Variants in SLC9B1 observed in about 807,000 individuals in gnomAD.
SLC9B1 encodes solute carrier family 9 member B1.
In SLC9B1, 32 loss-of-function variants were observed where a neutral mutation model predicts 51.7. That is an observed-to-expected ratio of 0.62 (90% CI 0.47 to 0.83). The LOEUF (loss-of-function observed/expected upper bound fraction) is 0.83. Ranked by LOEUF, SLC9B1 falls within the 40% of genes least tolerant of loss-of-function variation. The pLI, the probability that SLC9B1 is intolerant of heterozygous loss-of-function variation, is 0.00. For synonymous variants in SLC9B1, 145 were observed against 212.7 expected, an observed-to-expected ratio of 0.68 and a Z score of 2.77; for missense variants, 406 against 613.2, an observed-to-expected ratio of 0.66 and a Z score of 3.57.
intron 7 of SLC9B1, among the ~76,000 whole-genome samples, chr4:102,931,893 C>G (rs1328384883): frequency 6.6e-6 from 1 of 152,150 alleles, no homozygotes; most frequent in African/African-American, 2.4e-5. Flanking sequence ...TATGGTTTAT[C>G]AAATTAATTG....
chr4:102,961,043 T>G (rs1237586135), intron 3 of SLC9B1, among the ~76,000 whole-genome samples: 1 of 152,216 alleles, frequency 6.6e-6, no homozygotes, highest in African/African-American at 2.4e-5. Context: ...AAGCTTTACT[T>G]TCTAAAAATT....
At chr4:102,911,568 C>G in intron 7 of SLC9B1, 31 bp from the exon 8 acceptor site, 2 of 1,409,622 alleles carry the variant, frequency 1.4e-6, no homozygotes, top group Non-Finnish European at 2.0e-6. Context: ...AAAAAATTCA[C>G]AAAGAAGTAT....
chr4:102,977,773 T>C (rs1414084209), intron 3 of SLC9B1, among the ~76,000 whole-genome samples: 1 of 152,188 alleles, frequency 6.6e-6, no homozygotes, highest in Non-Finnish European at 1.5e-5. Context: ...TAAAAATATA[T>C]AGTCTATGAG....
intron 3 of SLC9B1, among the ~76,000 whole-genome samples, chr4:102,968,583 C>T (rs183136382): frequency 6.6e-6 from 1 of 152,280 alleles, no homozygotes; most frequent in East Asian, 1.9e-4. Flanking sequence ...CGAATAGGAA[C>T]AGCTCCTGTC....
At chr4:102,892,225 ATTT>A (rs1400645465) in intron 11 of SLC9B1, 3 of 152,060 alleles carry the variant, frequency 2.0e-5, no homozygotes, top group Admixed American at 2.0e-4. Flanking sequence ...TGCCCGGCTA[ATTT>A]TTTATTTTTC....
chr4:102,962,518 G>GGTCA (rs2110489749), intron 3 of SLC9B1: 1 of 478,092 alleles, frequency 2.1e-6, no homozygotes, highest in Admixed American at 2.3e-5. Flanking sequence ...CAGTTCAGGA[G>GGTCA]GTACTGGCCT....
Position 102,949,444 on chromosome 4 carries a change from T to C in SLC9B1, c.212-17A>G, listed in dbSNP as rs770608764. ...GTATAACTCCTGAAATACAAAAAAG[T>C]GTACAGCTATATATCTACATACACA... On this transcript the variant is annotated splice_polypyrimidine_tract_variant and intron_variant, in intron 3 of 11. Coordinates refer to ENST00000296422, the MANE Select transcript of SLC9B1 (RefSeq NM_139173.4). 5.2e-6 allele frequency: 8 copies of C among 1,552,386 alleles called. No individual in the cohort carries two copies. The East Asian group carries it at 1.6e-4, about 31-fold the overall frequency.
intron 3 of SLC9B1, chr4:102,963,090 T>C: frequency 2.4e-6 from 1 of 409,450 alleles, no homozygotes; most frequent in South Asian, 1.8e-5. Context: ...ACAGAGAGAT[T>C]TGAAGAGTGG....
intron 10 of SLC9B1, 37 bp from the exon 11 acceptor site, chr4:102,905,687 T>C (rs563247014): frequency 1.3e-6 from 2 of 1,588,724 alleles, no homozygotes; most frequent in South Asian, 2.3e-5. Context: ...TAACAAAATA[T>C]TTGTGAAGAA....
chr4:103,013,923 G>A (rs770589807), intron 1 of SLC9B1, among the ~76,000 whole-genome samples: 4 of 152,066 alleles, frequency 2.6e-5, no homozygotes, highest in Admixed American at 6.6e-5. Flanking sequence ...CCTAAACACC[G>A]TAATGGCTTT....
intron 3 of SLC9B1, among the ~76,000 whole-genome samples, chr4:102,967,356 C>G (rs1234820603): frequency 2.6e-5 from 4 of 152,238 alleles, no homozygotes; most frequent in Non-Finnish European, 5.9e-5. Context: ...CAACATCCCA[C>G]TCTCAGTACA....
downstream of SLC9B1, among the ~76,000 whole-genome samples, chr4:102,898,810 C>T (rs1734657037): frequency 6.6e-6 from 1 of 152,246 alleles, no homozygotes; most frequent in Admixed American, 6.5e-5. Context: ...TCACTGCAAC[C>T]TTTGCCTCCC....
intron 7 of SLC9B1, among the ~76,000 whole-genome samples, chr4:102,927,439 G>A (rs1404276206): frequency 1.3e-5 from 2 of 152,170 alleles, no homozygotes; most frequent in Admixed American, 6.5e-5. Context: ...CTTCTCCAAA[G>A]TAGACATCTA....
At position 102,932,203 on chromosome 4, in the gene SLC9B1, TA is replaced by T. The variant is rs758555608; in HGVS notation, c.749del (p.Leu250TyrfsTer2). ...GYGVEEGIPT[L>X]LMAASSMDDI... ...CATCCATACTGCTAGCAGCCATTAA[TA>T]AGGTTGGAATGCCTTCCTCAACACC... On this transcript the variant is annotated frameshift_variant, in exon 7 of 12. Transcript: ENST00000296422. 4 of 1,611,924 alleles carry T rather than the reference TA, an allele frequency of 2.5e-6. No homozygotes were observed. The Admixed American group carries it at 6.7e-5, about 27-fold the overall frequency.
chr4:102,990,452 G>A (rs187652170), intron 2 of SLC9B1, among the ~76,000 whole-genome samples: 1 of 151,948 alleles, frequency 6.6e-6, no homozygotes, highest in East Asian at 1.9e-4. Flanking sequence ...ATAGTGCAAG[G>A]GTATACCTTA....
chr4:102,980,423 T>A (rs1739292955), intron 3 of SLC9B1, among the ~76,000 whole-genome samples: 2 of 152,168 alleles, frequency 1.3e-5, no homozygotes, highest in African/African-American at 4.8e-5. Flanking sequence ...TAAAAAGGAA[T>A]GAGATCGTGT....
chr4:102,944,436 G>A (rs1399511917), intron 6 of SLC9B1, among the ~76,000 whole-genome samples: 1 of 152,112 alleles, frequency 6.6e-6, no homozygotes, highest in East Asian at 1.9e-4. Context: ...AGAGTTATGG[G>A]CATTATGATT....
chr4:103,012,291 T>C (rs566456964), intron 1 of SLC9B1, among the ~76,000 whole-genome samples: 27 of 152,330 alleles, frequency 1.8e-4, no homozygotes, highest in Non-Finnish European at 3.4e-4. Context: ...TTTGCTACTT[T>C]ATAACAAGGA....
intron 3 of SLC9B1, among the ~76,000 whole-genome samples, chr4:102,953,812 C>A (rs1737642531): frequency 3.5e-5 from 1 of 28,854 alleles, no homozygotes; most frequent in Non-Finnish European, 5.4e-5. Flanking sequence ...GATTTTTGTA[C>A]ATTGATTTCG....
Sources: allele counts gnomAD v4.1 joint callset (sites outside exome capture counted in the v4.1 genomes callset), GRCh38; gene constraint gnomAD v4.1.1; transcripts MANE v1.5; gene names NCBI Gene and HGNC (gene_info 2026-07-23, HGNC 2026-07-21).